Variants in PDE4D observed in about 807,000 individuals in gnomAD.
PDE4D encodes the protein 3',5'-cyclic-AMP phosphodiesterase 4D.
PDE4D carries 24 observed loss-of-function variants against 87.4 expected under a neutral mutation model. The observed-to-expected ratio is 0.27, with a 90% CI of 0.20 to 0.39. The LOEUF (loss-of-function observed/expected upper bound fraction) is 0.39, where lower values mean the gene tolerates loss of function less well. Ranked by LOEUF, PDE4D falls within the 10% of genes least tolerant of loss-of-function variation. The pLI is 1.00. For missense variants in PDE4D, 714 were observed against 1,041.0 expected, an observed-to-expected ratio of 0.69 and a Z score of 4.32; for synonymous variants, 384 against 383.2, an observed-to-expected ratio of 1.00 and a Z score of -0.02.
At chr5:60,183,214 G>A (rs1784516025) in intron 2 of PDE4D, among the ~76,000 whole-genome samples, 1 of 152,204 alleles carries the variant, frequency 6.6e-6, no homozygotes. Context: ...TTCCCAGCCT[G>A]CAGAATTGTG....
At chr5:59,091,666 T>A (rs554257038) in intron 5 of PDE4D, among the ~76,000 whole-genome samples, 1 of 152,218 alleles carries the variant, frequency 6.6e-6, no homozygotes, top group East Asian at 1.9e-4. Flanking sequence ...GTCAAGATAG[T>A]GGTGACCTAT....
intron 1 of PDE4D, chr5:59,275,307 A>T (rs758488809): frequency 6.5e-7 from 1 of 1,548,870 alleles, no homozygotes; most frequent in East Asian, 2.2e-5. Flanking sequence ...AAAAGAGAAA[A>T]GGGGAAAAGC....
intron 1 of PDE4D, among the ~76,000 whole-genome samples, chr5:59,534,724 G>A (rs1294383161): frequency 6.6e-6 from 1 of 152,162 alleles, no homozygotes; most frequent in Non-Finnish European, 1.5e-5. Flanking sequence ...GAGATTTCAG[G>A]TTGTGGATTT....
chr5:59,215,555 G>A lies in PDE4D; in HGVS notation c.647+222C>T, dbSNP rs1751053560. On this transcript the variant is annotated intron_variant, in intron 2 of 14. Coordinates refer to ENST00000340635, the MANE Select transcript of PDE4D (RefSeq NM_001104631.2). ...TTTCTGGGAAAATAAATACATGCGTGTGTGTGTGTGTGTGTGTGTGTGTGT... is the reference window on the plus strand; with the variant it reads ...TTTCTGGGAAAATAAATACATGCGTATGTGTGTGTGTGTGTGTGTGTGTGT... 2.6e-5 allele frequency: 4 copies of A among 156,292 alleles called. No individual in the cohort carries two copies. In the South Asian group the frequency reaches 2.9e-4, roughly 11 times the overall value. The allele number at this position is 156,292 out of a possible 1,614,324, so 9.7% of individuals were successfully genotyped here. A position where few individuals can be genotyped will look rare whatever the true frequency, so the allele number is the denominator to read the frequency against.
At chr5:59,925,651 T>C (rs535987874) in intron 3 of PDE4D, among the ~76,000 whole-genome samples, 13 of 152,066 alleles carry the variant, frequency 8.5e-5, no homozygotes, top group African/African-American at 2.7e-4. Flanking sequence ...ACACATGTAC[T>C]GAAAATAAAG....
At chr5:59,563,657 G>C (rs1240250434) in intron 1 of PDE4D, among the ~76,000 whole-genome samples, 1 of 152,146 alleles carries the variant, frequency 6.6e-6, no homozygotes. Flanking sequence ...TCATAAAAAA[G>C]TGAAGACATC....
intron 1 of PDE4D, among the ~76,000 whole-genome samples, chr5:59,649,698 C>T (rs1743048923): frequency 1.3e-5 from 2 of 150,216 alleles, no homozygotes; most frequent in South Asian, 2.1e-4. Flanking sequence ...AAAAATGAGG[C>T]CTTCACTGAA....
chr5:59,753,840 CTTTAAG>C (rs1760831847), intron 1 of PDE4D, among the ~76,000 whole-genome samples: 1 of 152,182 alleles, frequency 6.6e-6, no homozygotes, highest in African/African-American at 2.4e-5. Flanking sequence ...GGCAATGCTG[CTTTAAG>C]TTTGTTTGTG....
chr5:59,386,983 G>T (rs1787200124), intron 1 of PDE4D, among the ~76,000 whole-genome samples: 1 of 152,066 alleles, frequency 6.6e-6, no homozygotes, highest in Admixed American at 6.6e-5. Context: ...CATAATATTT[G>T]AATTAGGATC....
chr5:59,430,838 C>A (rs1796003544), intron 1 of PDE4D, among the ~76,000 whole-genome samples: 1 of 152,006 alleles, frequency 6.6e-6, no homozygotes, highest in Non-Finnish European at 1.5e-5. Flanking sequence ...TACCTGTAAA[C>A]AAAGCATGCA....
chr5:59,913,272 T>G (rs1328234666), intron 3 of PDE4D, among the ~76,000 whole-genome samples: 2 of 152,210 alleles, frequency 1.3e-5, no homozygotes, highest in Non-Finnish European at 2.9e-5. Flanking sequence ...CCAACTTAAC[T>G]ATGAAACATT....
intron 1 of PDE4D, among the ~76,000 whole-genome samples, chr5:59,752,831 C>T (rs1171168051): frequency 2.0e-5 from 3 of 152,128 alleles, no homozygotes; most frequent in Non-Finnish European, 2.9e-5. Context: ...CCATAGGACA[C>T]AATAACACAT....
At chr5:59,849,066 T>A (rs958374707) in intron 1 of PDE4D, among the ~76,000 whole-genome samples, 10 of 152,068 alleles carry the variant, frequency 6.6e-5, no homozygotes, top group African/African-American at 2.4e-4. Flanking sequence ...ATATGAAACC[T>A]GTAAAAATTG....
At chr5:59,967,010 T>C (rs1760122425) in intron 3 of PDE4D, among the ~76,000 whole-genome samples, 1 of 152,190 alleles carries the variant, frequency 6.6e-6, no homozygotes, top group Admixed American at 6.6e-5. Flanking sequence ...AATTGGTAAA[T>C]TAAACTACAG....
At chr5:59,375,975 T>C (rs1037749091) in intron 1 of PDE4D, among the ~76,000 whole-genome samples, 1 of 152,174 alleles carries the variant, frequency 6.6e-6, no homozygotes, top group Admixed American at 6.5e-5. Context: ...ATGCCTTTGA[T>C]AAAATTCAAG....
In PDE4D at chr5:58,974,864, C is replaced by A. The variant is rs1190170769; in HGVS notation, c.2230G>T (p.Gly744Cys). 1.2e-6 allele frequency: 2 copies of A among 1,612,522 alleles called. No individual in the cohort carries two copies. Among genetic ancestry groups the A allele is most frequent in the Middle Eastern group, 1.7e-4 (1 of 6,052 alleles). The stretch of plus-strand genomic sequence containing the variant: ...CTGTCCTTTTCCGTGTCTGACTCAC[C>A]ATCTTCCTCTAAAGTTAGTTCAAAC... The part of the protein sequence containing the change: ...FQFELTLEED[G>C]ESDTEKDSGS... The change falls in exon 15 of 15, where the codon GGT (glycine) becomes TGT (cysteine). Residue 744 changes from glycine (G) to cysteine (C), a missense_variant. By Grantham distance (159) the Gly-to-Cys change is radical. This residue lies in a region of PDE4D where 90 missense variants were observed against 95.3 expected (regional missense o/e 0.94). Coordinates refer to ENST00000340635, the MANE Select transcript of PDE4D (RefSeq NM_001104631.2).
Position 59,613,609 on chromosome 5 carries a change from G to T in PDE4D, c.455+279559C>A, listed in dbSNP as rs140873057. Among the ~76,000 whole-genome samples, 7 of 152,252 alleles carry T rather than the reference G, an allele frequency of 4.6e-5. No homozygotes were observed. In the East Asian group the frequency reaches 1.4e-3, roughly 29 times the overall value. On this transcript the variant is annotated intron_variant, in intron 1 of 14. Coordinates refer to ENST00000340635, the MANE Select transcript of PDE4D (RefSeq NM_001104631.2). Reference sequence around the variant, plus strand: ...GATGCAGAGTCCTCAAGGGAAAAGGGGGAAAGCCAGGGGAATGAGATGCCT... The same window carrying T: ...GATGCAGAGTCCTCAAGGGAAAAGGTGGAAAGCCAGGGGAATGAGATGCCT...
chr5:59,348,854 G>A (rs902923231), intron 1 of PDE4D, among the ~76,000 whole-genome samples: 1 of 151,998 alleles, frequency 6.6e-6, no homozygotes, highest in Non-Finnish European at 1.5e-5. Flanking sequence ...CACTTTAGGA[G>A]GCTGAGGTGG....
At position 59,583,361 on chromosome 5, in the gene PDE4D, C is replaced by T. The variant is rs185262129; in HGVS notation, c.455+309807G>A. On this transcript the variant is annotated intron_variant, in intron 1 of 14. Coordinates refer to ENST00000340635, the MANE Select transcript of PDE4D (RefSeq NM_001104631.2). The stretch of plus-strand genomic sequence containing the variant: ...TGACTTGCATTTCCCTTCTTTCAAC[C>T]ATGCCATACTTGTTCCTGAATGCCA... 8.3e-4 allele frequency among the ~76,000 whole-genome samples: 126 copies of T among 152,228 alleles called. 1 individual carries two copies. The Middle Eastern group carries it at 0.01, about 12-fold the overall frequency.
Sources: allele counts gnomAD v4.1 joint callset (sites outside exome capture counted in the v4.1 genomes callset), GRCh38; gene constraint gnomAD v4.1.1; regional missense constraint gnomAD v4.1.1; transcripts MANE v1.5; gene names NCBI Gene and HGNC (gene_info 2026-07-23, HGNC 2026-07-21).